GDA: variants seen among roughly 807,000 people sequenced by gnomAD.
GDA encodes guanine deaminase, also known as cytoplasmic PSD-95 interactor.
GDA carries 18 observed loss-of-function variants against 59.6 expected under a neutral mutation model. The ratio of observed to expected loss-of-function variants is 0.30; its 90% confidence interval spans 0.21 to 0.45. The LOEUF (loss-of-function observed/expected upper bound fraction) is 0.45. Among genes scored for constraint, GDA ranks in the 20% least tolerant of loss-of-function variants. The probability of loss-of-function intolerance (pLI) is 1.00; values close to 1 mark genes in which losing one functional copy is unlikely to be tolerated. For synonymous variants in GDA, 201 were observed against 201.1 expected, an observed-to-expected ratio of 1.00 and a Z score of 0.00; for missense variants, 427 against 552.3, an observed-to-expected ratio of 0.77 and a Z score of 2.27.
intron 1 of GDA, among the ~76,000 whole-genome samples, chr9:72,133,411 G>A (rs1197529469): frequency 6.6e-6 from 1 of 151,634 alleles, no homozygotes; most frequent in African/African-American, 2.4e-5. Context: ...GGTTCTAGCA[G>A]GTCAGCTATT....
intron 1 of GDA, among the ~76,000 whole-genome samples, chr9:72,180,077 A>G (rs1457067210): frequency 6.6e-6 from 1 of 151,834 alleles, no homozygotes; most frequent in African/African-American, 2.4e-5. Context: ...AAAAATGGCC[A>G]TCCGGGCGCG....
intron 13 of GDA, 73 bp from the exon 14 acceptor site, chr9:72,248,199 C>G: frequency 9.9e-7 from 1 of 1,007,282 alleles, no homozygotes. Context: ...TAAAAAAAAT[C>G]TCTCCCAATG....
chr9:72,125,300 T>C, intron 1 of GDA, among the ~76,000 whole-genome samples: 1 of 151,322 alleles, frequency 6.6e-6, no homozygotes, highest in Non-Finnish European at 1.5e-5. Context: ...CCTTCCTTTC[T>C]TCCTTCCTTC....
At chr9:72,225,821 G>T in intron 8 of GDA, 37 bp downstream of exon 8, 3 of 752,138 alleles carry the variant, frequency 4.0e-6, no homozygotes, top group South Asian at 1.9e-5. Flanking sequence ...GTTTAAAGGA[G>T]GGCATATTTA....
At chr9:72,210,413 A>T (rs1835211891) in intron 3 of GDA, among the ~76,000 whole-genome samples, 1 of 152,202 alleles carries the variant, frequency 6.6e-6, no homozygotes, top group Non-Finnish European at 1.5e-5. Context: ...AACAATCCTA[A>T]GAAAGAAGGA....
intron 1 of GDA, among the ~76,000 whole-genome samples, chr9:72,157,617 T>G (rs901820086): frequency 3.9e-5 from 6 of 152,236 alleles, no homozygotes; most frequent in Non-Finnish European, 5.9e-5. Context: ...TGAGCTAAAA[T>G]ATAACAGGAG....
At position 72,213,879 on chromosome 9, in the gene GDA, T is replaced by C; in HGVS notation, c.473-7T>C. ...GCCTTCATATTCTTTTTGTGTATAC[T>C]TTACAGATAAATTTGGACAGCGGGC... On this transcript the variant is annotated splice_polypyrimidine_tract_variant and splice_region_variant and intron_variant, in intron 4 of 13. Transcript: ENST00000358399. The C allele has an allele frequency of 6.7e-7, 1 of 1,502,690 alleles. No homozygotes were observed. The highest frequency in any genetic ancestry group is 9.3e-7 in the Non-Finnish European group (1 of 1,078,468). 93.1% of individuals were successfully genotyped at this position (1,502,690 alleles called of 1,614,324 possible).
intron 1 of GDA, among the ~76,000 whole-genome samples, chr9:72,154,512 T>G (rs941803109): frequency 1.3e-5 from 2 of 152,158 alleles, no homozygotes; most frequent in African/African-American, 2.4e-5. Flanking sequence ...ATGAACTGTA[T>G]GGGGTGGTCA....
At chr9:72,239,530 G>A (rs192967149) in intron 10 of GDA, among the ~76,000 whole-genome samples, 249 of 151,932 alleles carry the variant, frequency 1.6e-3, no homozygotes, top group African/African-American at 5.4e-3. Flanking sequence ...ACTTCCAGTC[G>A]TTACCCATAT....
At chr9:72,153,772 A>G (rs1260306380) in intron 1 of GDA, among the ~76,000 whole-genome samples, 1 of 140,658 alleles carries the variant, frequency 7.1e-6, no homozygotes. Flanking sequence ...ATGAGAACAC[A>G]TGGACACAGG....
At chr9:72,254,981 T>A (rs957705536), downstream of GDA, among the ~76,000 whole-genome samples, 1 of 152,172 alleles carries the variant, frequency 6.6e-6, no homozygotes, top group African/African-American at 2.4e-5. Context: ...CAGCAACAGA[T>A]AAAGGCAAGA....
At chr9:72,231,002 C>A in intron 9 of GDA, 112 bp from the exon 10 acceptor site, 1 of 741,714 alleles carries the variant, frequency 1.3e-6, no homozygotes, top group South Asian at 1.5e-5. Flanking sequence ...AACATTAGAG[C>A]CGATATATTG....
intron 3 of GDA, among the ~76,000 whole-genome samples, chr9:72,204,550 A>G (rs755682597): frequency 5.3e-5 from 8 of 152,202 alleles, no homozygotes; most frequent in Non-Finnish European, 8.8e-5. Flanking sequence ...CACTGCTTTT[A>G]TGATTAAAAA....
In GDA at chr9:72,245,861, A is replaced by G. The variant is rs148249326; in HGVS notation, c.1266+583A>G. ...TATTATAAAATGTTTTTCTATGGAT[A>G]AAATAAACTAGTTCATCTTACCTGA... On this transcript the variant is annotated intron_variant, in intron 12 of 13. Coordinates refer to ENST00000358399, the MANE Select transcript of GDA (RefSeq NM_004293.5). 3.7e-3 allele frequency among the ~76,000 whole-genome samples: 561 copies of G among 152,338 alleles called. 13 individuals are homozygous for G. The highest frequency in any genetic ancestry group is 0.029 in the Admixed American group (449 of 15,296).
intron 1 of GDA, among the ~76,000 whole-genome samples, chr9:72,122,967 A>G (rs1463041012): frequency 6.6e-6 from 1 of 152,020 alleles, no homozygotes; most frequent in Non-Finnish European, 1.5e-5. Flanking sequence ...TAAATTCTAG[A>G]ATTTATGTTT....
Position 72,245,125 on chromosome 9 carries a change from G to A in GDA, c.1136-23G>A, listed in dbSNP as rs548292329. 1,244 of 1,612,412 alleles carry A rather than the reference G, an allele frequency of 7.7e-4. 20 individuals carry two copies. The South Asian group carries it at 0.011, about 15-fold the overall frequency. On this transcript the variant is annotated intron_variant, in intron 11 of 13. Coordinates refer to ENST00000358399, the MANE Select transcript of GDA (RefSeq NM_004293.5). The stretch of plus-strand genomic sequence containing the variant: ...GGTCTGATGGCTTGCAATCCTGACT[G>A]TTTATTCACTTGTTCTCAATAGCCC...
downstream of GDA, among the ~76,000 whole-genome samples, chr9:72,254,645 C>T (rs1259745321): frequency 6.6e-6 from 1 of 152,136 alleles, no homozygotes; most frequent in Admixed American, 6.6e-5. Context: ...CAGATGACAT[C>T]CACTCACTTG....
intron 1 of GDA, among the ~76,000 whole-genome samples, chr9:72,152,585 C>A (rs888352449): frequency 6.6e-6 from 1 of 152,152 alleles, no homozygotes; most frequent in African/African-American, 2.4e-5. Context: ...ACATAAATGT[C>A]TTCTTTTGAG....
intron 1 of GDA, among the ~76,000 whole-genome samples, chr9:72,120,187 C>T (rs1031319359): frequency 1.8e-5 from 2 of 111,210 alleles, no homozygotes; most frequent in East Asian, 2.8e-4. Context: ...AGAGATGCAG[C>T]ATTCTTTTTT....
Sources: allele counts gnomAD v4.1 joint callset (sites outside exome capture counted in the v4.1 genomes callset), GRCh38; gene constraint gnomAD v4.1.1; transcripts MANE v1.5; gene names NCBI Gene and HGNC (gene_info 2026-07-23, HGNC 2026-07-21).